Variants in MROH7 observed in about 807,000 individuals in gnomAD.
MROH7 encodes the protein maestro heat-like repeat-containing protein family member 7.
A neutral mutation model predicts 129.2 loss-of-function variants in MROH7; 113 were observed. The observed-to-expected ratio is 0.87, with a 90% CI of 0.75 to 1.02. The LOEUF (loss-of-function observed/expected upper bound fraction) is 1.02, where lower values mean the gene tolerates loss of function less well. Ranked by LOEUF, MROH7 falls within the 50% of genes least tolerant of loss-of-function variation. The probability of loss-of-function intolerance (pLI) is 0.00; values close to 1 mark genes in which losing one functional copy is unlikely to be tolerated. For synonymous variants in MROH7, 655 were observed against 667.9 expected (o/e 0.98, Z 0.30); for missense variants, 1,601 against 1,671.3 (o/e 0.96, Z 0.73).
rs1055091560 is a variant in MROH7, at chr1:54,653,260, G to A, written c.334G>A (p.Val112Ile). 6.2e-7 allele frequency: 1 copy of A among 1,614,068 alleles called. No individual in the cohort carries two copies. Among genetic ancestry groups the A allele is most frequent in the African/African-American group, 1.3e-5 (1 of 74,922 alleles). ...GEALDLDSKDVSRPDSQGRLC... is the reference protein window; with the variant it reads ...GEALDLDSKDISRPDSQGRLC... ...AGCCCTGGACCTGGATTCCAAGGAT[G>A]TCTCAAGGCCTGACTCACAGGGGCG... The change falls in exon 3 of 24, where the codon GTC (valine) becomes ATC (isoleucine). Residue 112 changes from valine to isoleucine, a missense_variant. By Grantham distance (29) the Val-to-Ile change is conservative. Coordinates refer to ENST00000421030, the MANE Select transcript of MROH7 (RefSeq NM_001039464.4).
At chr1:54,661,074 G>T (rs1644725312) in intron 3 of MROH7, among the ~76,000 whole-genome samples, 1 of 150,956 alleles carries the variant, frequency 6.6e-6, no homozygotes, top group African/African-American at 2.4e-5. Flanking sequence ...AAAAAAGTTG[G>T]GTTGTCTCTT....
chr1:54,666,136 C>G (rs1644810124), intron 4 of MROH7, among the ~76,000 whole-genome samples: 1 of 152,210 alleles, frequency 6.6e-6, no homozygotes, highest in African/African-American at 2.4e-5. Flanking sequence ...ATGATATGCA[C>G]AGCACCTACC....
intron 3 of MROH7, among the ~76,000 whole-genome samples, chr1:54,658,639 T>C (rs1644684520): frequency 6.7e-6 from 1 of 149,980 alleles, no homozygotes; most frequent in Non-Finnish European, 1.5e-5. Context: ...GTATACACTG[T>C]GGTAGCTACC....
rs1036107343 is a variant in MROH7, at chr1:54,671,045, G to C, written c.1599+116G>C. 1.0e-5 allele frequency: 12 copies of C among 1,157,252 alleles called. No individual in the cohort carries two copies. In the African/African-American group the frequency reaches 1.7e-4, roughly 16 times the overall value. The allele number at this position is 1,157,252 out of a possible 1,614,324, so 71.7% of individuals were successfully genotyped here. On this transcript the variant is annotated intron_variant, in intron 7 of 23. Coordinates refer to ENST00000421030, the MANE Select transcript of MROH7 (RefSeq NM_001039464.4). ...GCCTTGGGCAATTCAACTGACTTCT[G>C]TTGGTCTGAGTAGGTACTTGATAAA...
At position 54,699,093 on chromosome 1, in the gene MROH7, C is replaced by CTGCCTTTCTTTTT. The variant is rs1406420741; in HGVS notation, c.2965-1227_2965-1226insGCCTTTCTTTTTT. On this transcript the variant is annotated intron_variant, in intron 17 of 23. Coordinates refer to ENST00000421030, the MANE Select transcript of MROH7 (RefSeq NM_001039464.4). The stretch of plus-strand genomic sequence containing the variant: ...ATAGGTGTGAGCCACCTTGCCTGGC[C>CTGCCTTTCTTTTT]TTTTCTTTCTTTCTTTCTTTCTTTC... 1,013 of 108,026 alleles carry CTGCCTTTCTTTTT rather than the reference C, an allele frequency of 9.4e-3. 66 individuals are homozygous for CTGCCTTTCTTTTT. Among genetic ancestry groups the CTGCCTTTCTTTTT allele is most frequent in the African/African-American group, 0.031 (941 of 30,112 alleles). 6.7% of individuals were successfully genotyped at this position (108,026 alleles called of 1,614,324 possible). A position where few individuals can be genotyped will look rare whatever the true frequency, so the allele number is the denominator to read the frequency against.
chr1:54,678,455 G>A (rs944157341), intron 10 of MROH7, among the ~76,000 whole-genome samples: 2 of 152,180 alleles, frequency 1.3e-5, no homozygotes, highest in Non-Finnish European at 2.9e-5. Context: ...AGGATAACGT[G>A]TCCATTTATC....
intron 1 of MROH7, 181 bp from the exon 2 acceptor site, chr1:54,651,768 A>T (rs1483686504): frequency 6.6e-6 from 1 of 150,484 alleles, no homozygotes; most frequent in Non-Finnish European, 1.5e-5. Context: ...TCACTTCCTT[A>T]TGTATAAATA....
At chr1:54,706,579 G>A in intron 22 of MROH7, 42 bp downstream of exon 22, 1 of 1,456,738 alleles carries the variant, frequency 6.9e-7, no homozygotes, top group Non-Finnish European at 9.6e-7. Context: ...CCAGGGCTCT[G>A]CCTGCTCTCC....
At chr1:54,646,683 A>G (rs1644472472) in intron 1 of MROH7, among the ~76,000 whole-genome samples, 4 of 152,244 alleles carry the variant, frequency 2.6e-5, no homozygotes, top group Admixed American at 2.6e-4. Flanking sequence ...AAAATTGACC[A>G]TTAGTGACAA....
intron 1 of MROH7, among the ~76,000 whole-genome samples, chr1:54,649,834 C>T (rs891863046): frequency 1.3e-5 from 2 of 152,186 alleles, no homozygotes; most frequent in Non-Finnish European, 2.9e-5. Flanking sequence ...AAATTATGGA[C>T]ATGAAATTAA....
chr1:54,691,803 A>G (rs866405088), intron 15 of MROH7, among the ~76,000 whole-genome samples: 1 of 104,188 alleles, frequency 9.6e-6, no homozygotes, highest in Non-Finnish European at 1.7e-5. Flanking sequence ...AAAAAAAAAA[A>G]GTGTGTGTGT....
chr1:54,654,785 C>T (rs1644616607), intron 3 of MROH7, among the ~76,000 whole-genome samples: 1 of 152,138 alleles, frequency 6.6e-6, no homozygotes, highest in African/African-American at 2.4e-5. Context: ...TTCCTTGATA[C>T]ATTTTAGACC....
rs868376471 is a variant in MROH7, at chr1:54,651,946, C to T, written c.-109-3C>T. 2.0e-5 allele frequency: 3 copies of T among 152,490 alleles called. No individual in the cohort carries two copies. The South Asian group carries it at 6.2e-4, about 32-fold the overall frequency. 9.4% of individuals were successfully genotyped at this position (152,490 alleles called of 1,614,324 possible). On this transcript the variant is annotated splice_region_variant and splice_polypyrimidine_tract_variant and intron_variant, in intron 1 of 23. Transcript: ENST00000421030. ...CTTGATTTCTTTCTGCATCTCCTCC[C>T]AGGGGCCCGCTCCTGCTTAAAAACA...
intron 3 of MROH7, among the ~76,000 whole-genome samples, chr1:54,661,910 T>G (rs867766854): frequency 2.6e-5 from 4 of 152,056 alleles, no homozygotes; most frequent in Non-Finnish European, 4.4e-5. Context: ...AAATATTTTT[T>G]AAATGATTTT....
chr1:54,695,734 G>A, intron 17 of MROH7: 1 of 547,354 alleles, frequency 1.8e-6, no homozygotes, highest in Non-Finnish European at 3.4e-6. Flanking sequence ...CCTTTGCTGG[G>A]CACCTCTGTG....
intron 3 of MROH7, among the ~76,000 whole-genome samples, chr1:54,660,085 T>C (rs900970049): frequency 1.3e-5 from 2 of 152,200 alleles, no homozygotes; most frequent in African/African-American, 4.8e-5. Context: ...AAAGTGGTAA[T>C]CTTAGTCTGT....
rs756790243 is a variant in MROH7, at chr1:54,653,147, G to A, written c.221G>A (p.Gly74Asp). Reference sequence around the variant, plus strand: ...AGTCCAGTCTCAGGGGAGGCCTCAGGCCTGGTGTCTGAAAACACCCCCAGA... The same window carrying A: ...AGTCCAGTCTCAGGGGAGGCCTCAGACCTGGTGTCTGAAAACACCCCCAGA... Reference protein sequence around the residue: ...SLSPVSGEASGLVSENTPRPD... With the variant: ...SLSPVSGEASDLVSENTPRPD... Residue 74 changes from glycine (G) to aspartate (D), a missense_variant, in exon 3 of 24, where the codon GGC becomes GAC. Coordinates refer to ENST00000421030, the MANE Select transcript of MROH7 (RefSeq NM_001039464.4). 6.2e-7 allele frequency: 1 copy of A among 1,614,160 alleles called. No individual in the cohort carries two copies. Among genetic ancestry groups the A allele is most frequent in the Admixed American group, 1.7e-5 (1 of 60,016 alleles).
intron 10 of MROH7, among the ~76,000 whole-genome samples, chr1:54,674,754 C>T (rs1644955508): frequency 6.6e-6 from 1 of 152,164 alleles, no homozygotes; most frequent in African/African-American, 2.4e-5. Flanking sequence ...TAGAGGTGCA[C>T]AGTATCAGCT....
chr1:54,667,070 T>C (rs1347580692), intron 4 of MROH7, among the ~76,000 whole-genome samples: 2 of 152,214 alleles, frequency 1.3e-5, no homozygotes, highest in African/African-American at 4.8e-5. Flanking sequence ...GCCTCTACTA[T>C]GTGCCAGGCA....
Sources: gnomAD v4.1 joint callset for allele counts (sites outside exome capture counted in the v4.1 genomes callset) on GRCh38, gnomAD v4.1.1 for gene constraint, MANE v1.5 for transcripts, NCBI Gene and HGNC (gene_info 2026-07-23, HGNC 2026-07-21) for gene names.